Variants in OCA2 observed in about 807,000 individuals in gnomAD.
OCA2 encodes OCA2 melanosomal transmembrane protein, also known as P protein.
In OCA2, 77 loss-of-function variants were observed where a neutral mutation model predicts 100.2. The ratio of observed to expected loss-of-function variants is 0.77; its 90% confidence interval spans 0.64 to 0.93. The LOEUF (loss-of-function observed/expected upper bound fraction) is 0.93, where lower values mean the gene tolerates loss of function less well. Ranked by LOEUF, OCA2 falls within the 40% of genes least tolerant of loss-of-function variation. The pLI is 0.00. For missense variants in OCA2, 1,062 were observed against 1,089.1 expected, an observed-to-expected ratio of 0.98 and a Z score of 0.35; for synonymous variants, 432 against 439.2, an observed-to-expected ratio of 0.98 and a Z score of 0.21.
At chr15:27,962,662 C>CA (rs1312066307) in intron 15 of OCA2, among the ~76,000 whole-genome samples, 1 of 151,278 alleles carries the variant, frequency 6.6e-6, no homozygotes. Context: ...GAATTAAAGC[C>CA]AAAAAAAGTA....
At chr15:27,737,194 T>C in the OCA2 span, among the ~76,000 whole-genome samples, 1 of 152,220 alleles carries the variant, frequency 6.6e-6, no homozygotes, top group Non-Finnish European at 1.5e-5. Flanking sequence ...TCAGAGAACT[T>C]AAAGCCTAAA....
intron 18 of OCA2, among the ~76,000 whole-genome samples, chr15:27,934,549 A>G (rs2140442471): frequency 6.6e-6 from 1 of 152,346 alleles, no homozygotes; most frequent in Non-Finnish European, 1.5e-5. Context: ...TTTTGACCCC[A>G]GAAATGGCAT....
intron 17 of OCA2, among the ~76,000 whole-genome samples, chr15:27,952,675 T>A (rs563929390): frequency 7.1e-4 from 108 of 152,158 alleles, no homozygotes; most frequent in Non-Finnish European, 1.2e-3. Context: ...TTTATTTTTA[T>A]TTTTATTTTC....
intron 2 of OCA2, among the ~76,000 whole-genome samples, chr15:28,050,665 C>T (rs982682150): frequency 8.6e-5 from 13 of 151,812 alleles, no homozygotes; most frequent in Non-Finnish European, 1.3e-4. Flanking sequence ...AGACATAATA[C>T]GCACCTATTG....
chr15:27,987,183 A>C (rs533038626), intron 11 of OCA2, among the ~76,000 whole-genome samples: 1 of 152,194 alleles, frequency 6.6e-6, no homozygotes, highest in African/African-American at 2.4e-5. Context: ...TTCCAGGTGA[A>C]CCCAGAATGC....
intron 18 of OCA2, among the ~76,000 whole-genome samples, chr15:27,928,290 C>T (rs1019093965): frequency 5.3e-5 from 8 of 152,008 alleles, no homozygotes; most frequent in African/African-American, 1.5e-4. Context: ...AGCAATGATA[C>T]CAAAACTGGC....
the OCA2 span, among the ~76,000 whole-genome samples, chr15:27,724,397 T>C: frequency 2.0e-5 from 3 of 152,110 alleles, no homozygotes; most frequent in Non-Finnish European, 4.4e-5. Flanking sequence ...GGTCTCTGTG[T>C]CCACACTTCC....
intron 2 of OCA2, among the ~76,000 whole-genome samples, chr15:28,037,700 C>T (rs1449688348): frequency 6.6e-6 from 1 of 152,198 alleles, no homozygotes; most frequent in African/African-American, 2.4e-5. Flanking sequence ...TTCATGATAA[C>T]CCTGAAGGTA....
At chr15:27,728,337 A>C in the OCA2 span, among the ~76,000 whole-genome samples, 18 of 152,174 alleles carry the variant, frequency 1.2e-4, no homozygotes, top group Admixed American at 9.8e-4. Context: ...TTAGGTTTTG[A>C]GGCAAGAAAA....
At chr15:28,028,107 T>C in intron 3 of OCA2, 48 bp from the exon 4 acceptor site, 2 of 1,602,900 alleles carry the variant, frequency 1.2e-6, no homozygotes, top group Non-Finnish European at 1.7e-6. Flanking sequence ...TAGTAATGGC[T>C]ACAAAGCAAG....
In OCA2 at chr15:27,900,120, T is replaced by C. The variant is rs535678180; in HGVS notation, c.2079+26007A>G. 2.6e-5 allele frequency among the ~76,000 whole-genome samples: 4 copies of C among 152,288 alleles called. No individual in the cohort carries two copies. In the South Asian group the frequency reaches 6.2e-4, roughly 24 times the overall value. On this transcript the variant is annotated intron_variant, in intron 19 of 23. Transcript: ENST00000354638. ...AACAAAATAAGCCTCAGCATTTGCATTGTAATTGAGCTATTCAAGCAAAGC... is the reference window on the plus strand; with the variant it reads ...AACAAAATAAGCCTCAGCATTTGCACTGTAATTGAGCTATTCAAGCAAAGC...
chr15:27,874,941 A>G (rs1029085106), intron 19 of OCA2, among the ~76,000 whole-genome samples: 4 of 152,254 alleles, frequency 2.6e-5, no homozygotes, highest in Non-Finnish European at 5.9e-5. Flanking sequence ...AACTTGAGGG[A>G]TGCAGCTACA....
chr15:27,874,373 C>T (rs2036704301), intron 19 of OCA2, among the ~76,000 whole-genome samples: 1 of 152,184 alleles, frequency 6.6e-6, no homozygotes, highest in African/African-American at 2.4e-5. Flanking sequence ...CACTGTTTCT[C>T]ACATTGAGCC....
chr15:27,750,941 G>A (rs182161955), downstream of OCA2, among the ~76,000 whole-genome samples: 15 of 152,324 alleles, frequency 9.8e-5, no homozygotes, highest in East Asian at 2.5e-3. Context: ...TCCCAGACCT[G>A]AGAGTGTTCC....
At chr15:27,963,938 C>T (rs922722830) in intron 15 of OCA2, among the ~76,000 whole-genome samples, 1 of 152,008 alleles carries the variant, frequency 6.6e-6, no homozygotes, top group African/African-American at 2.4e-5. Flanking sequence ...TTTGATAGCC[C>T]TTAAAAGGAT....
At chr15:27,935,108 G>A (rs1391848688) in intron 18 of OCA2, among the ~76,000 whole-genome samples, 1 of 152,154 alleles carries the variant, frequency 6.6e-6, no homozygotes, top group Non-Finnish European at 1.5e-5. Context: ...GGAAGCAAAA[G>A]CCACTGACGG....
intron 21 of OCA2, among the ~76,000 whole-genome samples, chr15:27,861,377 G>A (rs963370021): frequency 4.6e-5 from 7 of 152,200 alleles, no homozygotes; most frequent in African/African-American, 1.4e-4. Context: ...GTGGACAACC[G>A]GGGCTAGGCT....
rs2040262311 is a variant in OCA2 at position 27,957,492 on chromosome 15, T to A, written c.1784+96A>T. The A allele has an allele frequency of 7.1e-7, 1 of 1,400,408 alleles. No homozygotes were observed. Among genetic ancestry groups the A allele is most frequent in the Admixed American group, 1.7e-5 (1 of 59,564 alleles). The allele number at this position is 1,400,408 out of a possible 1,614,324, so 86.7% of individuals were successfully genotyped here. ...TAGCACAGTGTGCGTCACCTAAATA[T>A]CACGTATTAGTATACAGCTAATGTC... On this transcript the variant is annotated intron_variant, in intron 16 of 23. Coordinates refer to ENST00000354638, the MANE Select transcript of OCA2 (RefSeq NM_000275.3). This position sits in a 1 kb window ranked among gnomAD's most constrained non-coding sequence, Gnocchi z 4.3.
intron 6 of OCA2, 114 bp downstream of exon 6, chr15:28,022,387 G>GTGGGTGAAAA: frequency 2.6e-6 from 2 of 764,228 alleles, no homozygotes; most frequent in Non-Finnish European, 4.7e-6. Context: ...CAAAATTCGA[G>GTGGGTGAAAA]TGGTAATGGC....
Sources: gnomAD v4.1 joint callset for allele counts (sites outside exome capture counted in the v4.1 genomes callset) on GRCh38, gnomAD v4.1.1 for gene constraint, Gnocchi (gnomAD v3.1) non-coding constraint, MANE v1.5 for transcripts, NCBI Gene and HGNC (gene_info 2026-07-23, HGNC 2026-07-21) for gene names.